The following AAK1 variants were observed in gnomAD, a reference collection of about 807,000 sequenced individuals.
The protein encoded by AAK1 is AP2-associated protein kinase 1.
A neutral mutation model predicts 116.0 loss-of-function variants in AAK1; 37 were observed. The observed-to-expected ratio is 0.32, with a 90% CI of 0.25 to 0.42. The LOEUF (loss-of-function observed/expected upper bound fraction) is 0.42. Ranked by LOEUF, AAK1 falls within the 10% of genes least tolerant of loss-of-function variation. The pLI is 1.00. For synonymous variants in AAK1, 458 were observed against 439.9 expected (o/e 1.04, Z -0.51); for missense variants, 919 against 1,170.6 (o/e 0.79, Z 3.14).
chr2:69,631,944 G>A lies in AAK1; in HGVS notation c.163+10934C>T, dbSNP rs537173286. Among the ~76,000 whole-genome samples, 3 of 151,960 alleles carry A rather than the reference G, an allele frequency of 2.0e-5. No homozygotes were observed. The South Asian group carries it at 6.3e-4, about 32-fold the overall frequency. On this transcript the variant is annotated intron_variant, in intron 2 of 21. Coordinates refer to ENST00000409085, the MANE Select transcript of AAK1 (RefSeq NM_014911.5). Reference sequence around the variant, plus strand: ...GCAGGGAGCTGAGATCACCCCACTGGGTGACAAAGTGAGACCCTGTCTCAA... The same window carrying A: ...GCAGGGAGCTGAGATCACCCCACTGAGTGACAAAGTGAGACCCTGTCTCAA...
chr2:69,552,683 C>G (rs907836623), intron 3 of AAK1, among the ~76,000 whole-genome samples: 11 of 151,846 alleles, frequency 7.2e-5, no homozygotes, highest in Admixed American at 5.9e-4. Flanking sequence ...TGCACTCCAG[C>G]CTAGGCAACA....
In AAK1 at chr2:69,469,011, AG is replaced by A. The variant is rs1439219367; in HGVS notation, c.*6857del. ...AAAAACACCAGAATATCAAGTTTGA[AG>A]GGAAAATTAGTCTCCTGTCCTTCAA... On this transcript the variant is annotated 3_prime_UTR_variant, in exon 22 of 22. Coordinates refer to ENST00000409085, the MANE Select transcript of AAK1 (RefSeq NM_014911.5). 7 of 985,360 alleles carry A rather than the reference AG, an allele frequency of 7.1e-6. No homozygotes were observed. The highest frequency in any genetic ancestry group is 8.4e-6 in the Non-Finnish European group (7 of 829,942). 61.0% of individuals were successfully genotyped at this position (985,360 alleles called of 1,614,324 possible).
chr2:69,541,186 C>G (rs908261956), intron 5 of AAK1, among the ~76,000 whole-genome samples: 2 of 149,656 alleles, frequency 1.3e-5, no homozygotes, highest in African/African-American at 4.9e-5. Context: ...GATGGTTACA[C>G]AACTTTGTAA....
chr2:69,559,786 G>T (rs554581149), intron 2 of AAK1, among the ~76,000 whole-genome samples: 16 of 152,304 alleles, frequency 1.1e-4, no homozygotes, highest in Admixed American at 1.0e-3. Flanking sequence ...ACAAAAGGTG[G>T]GAATAGGTAT....
chr2:69,484,516 G>A (rs1245924064), intron 17 of AAK1, among the ~76,000 whole-genome samples: 1 of 152,144 alleles, frequency 6.6e-6, no homozygotes, highest in Non-Finnish European at 1.5e-5. Context: ...AGGACGGCTG[G>A]GTGCAGTGGC....
At position 69,462,558 on chromosome 2, in the gene AAK1, A is replaced by C. The variant is rs1413227624; in HGVS notation, c.*13311T>G. ...GCCAGGCGCGGTGGTGTGTGCCTAT[A>C]ATCCCAGCTACTCGGGAGGCTGAGG... On this transcript the variant is annotated 3_prime_UTR_variant, in exon 22 of 22. Coordinates refer to ENST00000409085, the MANE Select transcript of AAK1 (RefSeq NM_014911.5). The C allele has an allele frequency of 6.6e-6, 1 of 152,028 alleles. No homozygotes were observed. Among genetic ancestry groups the C allele is most frequent in the East Asian group, 1.9e-4 (1 of 5,176 alleles). 9.4% of individuals were successfully genotyped at this position (152,028 alleles called of 1,614,324 possible).
In AAK1 at chr2:69,476,958, C is replaced by T; in HGVS notation, c.2713G>A (p.Asp905Asn). The T allele has an allele frequency of 1.9e-6, 3 of 1,613,184 alleles. No individual in the cohort carries two copies. Among genetic ancestry groups the T allele is most frequent in the Non-Finnish European group, 2.5e-6 (3 of 1,179,568 alleles). The change falls in exon 21 of 22, where the codon GAT becomes AAT. Residue 905 changes from aspartate to asparagine, a missense_variant. By Grantham distance (23) the Asp-to-Asn change is conservative. Transcript: ENST00000409085. ...AEDSNLISGF[D>N]VPEGSDKVAE... ...ACCTTGTCCGAGCCCTCAGGGACAT[C>T]AAAACCTGAGATGAGATTACTATCT...
intron 2 of AAK1, among the ~76,000 whole-genome samples, chr2:69,571,516 T>C (rs79951892): frequency 0.019 from 2,920 of 152,308 alleles, 79 homozygotes; most frequent in African/African-American, 0.064. Context: ...TAAATTTCTG[T>C]TCCTTGCACC....
chr2:69,475,749 G>A lies in AAK1; in HGVS notation c.*120C>T. On this transcript the variant is annotated 3_prime_UTR_variant, in exon 22 of 22. Transcript: ENST00000409085. ...GGAGAAGGCAAGGGGTAGGAGAAAA[G>A]GGCTGGAGGGCCCCTTATTTGCAGA... The A allele has an allele frequency of 6.8e-7, 1 of 1,468,326 alleles. No homozygotes were observed. Among genetic ancestry groups the A allele is most frequent in the Non-Finnish European group, 9.0e-7 (1 of 1,105,666 alleles). 91.0% of individuals were successfully genotyped at this position (1,468,326 alleles called of 1,614,324 possible). A position where few individuals can be genotyped will look rare whatever the true frequency, so the allele number is the denominator to read the frequency against.
chr2:69,506,868 CTGTG>C (rs10531990), intron 15 of AAK1, among the ~76,000 whole-genome samples: 47,941 of 149,208 alleles, frequency 0.32, 8,983 homozygotes, highest in East Asian at 0.52. Context: ...GTGCATGTGC[CTGTG>C]TGTGTGTGTG....
At chr2:69,634,829 A>C (rs186679542) in intron 2 of AAK1, among the ~76,000 whole-genome samples, 4,367 of 152,276 alleles carry the variant, frequency 0.029, 203 homozygotes, top group African/African-American at 0.1. Context: ...CTCTTAGTAA[A>C]GTTAAAGTAA....
chr2:69,467,758 T>A lies in AAK1; in HGVS notation c.*8111A>T. 2 of 985,454 alleles carry A rather than the reference T, an allele frequency of 2.0e-6. No homozygotes were observed. The highest frequency in any genetic ancestry group is 2.4e-6 in the Non-Finnish European group (2 of 829,936). The allele number at this position is 985,454 out of a possible 1,614,324, so 61.0% of individuals were successfully genotyped here. A position where few individuals can be genotyped will look rare whatever the true frequency, so the allele number is the denominator to read the frequency against. On this transcript the variant is annotated 3_prime_UTR_variant, in exon 22 of 22. Transcript: ENST00000409085. Reference sequence around the variant, plus strand: ...ATTATCCCCTGCTAAAGTTTCTGCATGAATTAAGCACACAGACCACAGCAG... The same window carrying A: ...ATTATCCCCTGCTAAAGTTTCTGCAAGAATTAAGCACACAGACCACAGCAG...
chr2:69,636,485 C>T (rs1250221901), intron 2 of AAK1, among the ~76,000 whole-genome samples: 1 of 152,152 alleles, frequency 6.6e-6, no homozygotes, highest in Non-Finnish European at 1.5e-5. Flanking sequence ...AGCACACATA[C>T]ATGAAGATAT....
At chr2:69,581,296 T>C (rs1672532594) in intron 2 of AAK1, among the ~76,000 whole-genome samples, 1 of 152,108 alleles carries the variant, frequency 6.6e-6, no homozygotes, top group African/African-American at 2.4e-5. Context: ...GTATTTTCAG[T>C]AGAGATGGGG....
chr2:69,520,913 C>T lies in AAK1; in HGVS notation c.1131G>A (p.Pro377=), dbSNP rs768697245. ...GCTGGATGGGAAGGATTCCTGGGTT[C>T]GGCTGAGTCTGCCCAGCTTTAGGCC... ...RQRPKAGQTQ[P]NPGILPIQPA... The change falls in exon 11 of 22, where the codon CCG becomes CCA. Residue 377 remains proline (P), a synonymous_variant. Transcript: ENST00000409085. 1.2e-5 allele frequency: 20 copies of T among 1,610,378 alleles called. No individual in the cohort carries two copies. Among genetic ancestry groups the T allele is most frequent in the South Asian group, 6.6e-5 (6 of 90,718 alleles).
chr2:69,532,213 C>A (rs371622867), intron 5 of AAK1, 51 bp from the exon 6 acceptor site: 1 of 1,601,460 alleles, frequency 6.2e-7, no homozygotes, highest in Non-Finnish European at 8.5e-7. Flanking sequence ...TAGTAATGCA[C>A]GTGAAAATTT....
chr2:69,506,580 G>C (rs561876874), intron 15 of AAK1, among the ~76,000 whole-genome samples: 1 of 152,278 alleles, frequency 6.6e-6, no homozygotes, highest in East Asian at 1.9e-4. Flanking sequence ...GCCCAGGCTG[G>C]TCTTGAACTC....
At position 69,461,871 on chromosome 2, in the gene AAK1, C is replaced by G. The variant is rs548699982; in HGVS notation, c.*13998G>C. On this transcript the variant is annotated 3_prime_UTR_variant, in exon 22 of 22. Transcript: ENST00000409085. ...CCTCCCAAAGTGCTGGGATTACAAG[C>G]GTGAGCCACCGCGCCTGGCCTCCAG... The G allele has an allele frequency of 5.1e-6, 1 of 197,450 alleles. No homozygotes were observed. The highest frequency in any genetic ancestry group is 6.4e-5 in the South Asian group (1 of 15,552). 12.2% of individuals were successfully genotyped at this position (197,450 alleles called of 1,614,324 possible). A position where few individuals can be genotyped will look rare whatever the true frequency, so the allele number is the denominator to read the frequency against.
Position 69,475,312 on chromosome 2 carries a change from C to A in AAK1, c.*557G>T. On this transcript the variant is annotated 3_prime_UTR_variant, in exon 22 of 22. Coordinates refer to ENST00000409085, the MANE Select transcript of AAK1 (RefSeq NM_014911.5). ...ATTTCTCTTCTCAAATATATACTAC[C>A]AGTCAGTAAGTTTTACCCTTTCTTA... The A allele has an allele frequency of 1.0e-6, 1 of 986,066 alleles. No homozygotes were observed. Among genetic ancestry groups the A allele is most frequent in the Non-Finnish European group, 1.2e-6 (1 of 830,236 alleles). The allele number at this position is 986,066 out of a possible 1,614,324, so 61.1% of individuals were successfully genotyped here.
Sources: gnomAD v4.1 joint callset for allele counts (sites outside exome capture counted in the v4.1 genomes callset) on GRCh38, gnomAD v4.1.1 for gene constraint, MANE v1.5 for transcripts, NCBI Gene and HGNC (gene_info 2026-07-23, HGNC 2026-07-21) for gene names.